The following HTRA1 variants were observed in gnomAD, a reference collection of about 807,000 sequenced individuals.
HTRA1 encodes HtrA serine peptidase 1.
In HTRA1, 26 loss-of-function variants were observed where a neutral mutation model predicts 49.7. That is an observed-to-expected ratio of 0.52 (90% CI 0.38 to 0.73). HTRA1 has a LOEUF of 0.73. Among genes scored for constraint, HTRA1 ranks in the 30% least tolerant of loss-of-function variants. The probability of loss-of-function intolerance (pLI) is 0.00; values close to 1 mark genes in which losing one functional copy is unlikely to be tolerated. For missense variants in HTRA1, 561 were observed against 667.2 expected (o/e 0.84, Z 1.75); for synonymous variants, 291 against 286.9 (o/e 1.01, Z -0.14).
chr10:122,497,977 C>T (rs1336327216), intron 3 of HTRA1, among the ~76,000 whole-genome samples: 1 of 152,092 alleles, frequency 6.6e-6, no homozygotes, highest in East Asian at 1.9e-4. Context: ...AGCTGTCGGG[C>T]CCCCATGTGG....
chr10:122,472,310 T>C (rs1003375276), intron 1 of HTRA1, among the ~76,000 whole-genome samples: 2 of 150,994 alleles, frequency 1.3e-5, no homozygotes, highest in Admixed American at 1.3e-4. Context: ...ATATGAAAAA[T>C]TAAGAAAAGA....
chr10:122,477,014 C>A (rs2097488814), intron 1 of HTRA1, among the ~76,000 whole-genome samples: 1 of 140,176 alleles, frequency 7.1e-6, no homozygotes, highest in Non-Finnish European at 1.5e-5. Flanking sequence ...GTCACCCAGG[C>A]TGGAGTGCAC....
intron 1 of HTRA1, among the ~76,000 whole-genome samples, chr10:122,474,125 C>T (rs77348595): frequency 1.3e-3 from 192 of 152,242 alleles, no homozygotes; most frequent in African/African-American, 4.6e-3. Context: ...ATGGGGATTA[C>T]GCACTGAAAG....
rs2097495325 is a variant in HTRA1 at position 122,490,624 on chromosome 10, C to T, written c.777+998C>T. 6.6e-6 allele frequency among the ~76,000 whole-genome samples: 1 copy of T among 152,150 alleles called. No homozygotes were observed. Among genetic ancestry groups the T allele is most frequent in the Non-Finnish European group, 1.5e-5 (1 of 68,038 alleles). On this transcript the variant is annotated intron_variant, in intron 3 of 8. Transcript: ENST00000368984. The surrounding 1 kb of genome is among the most constrained non-coding windows in gnomAD (Gnocchi z 4.2). ...ATCCTGCCTCTGACCAAGGAAAAGA[C>T]CAGAGGCTGAGCCAGGTGGGGTCTC...
At chr10:122,493,084 A>G (rs2097496701) in intron 3 of HTRA1, among the ~76,000 whole-genome samples, 1 of 152,102 alleles carries the variant, frequency 6.6e-6, no homozygotes, top group South Asian at 2.1e-4. Flanking sequence ...TCTGCTTCTC[A>G]CTGCTGAGCA....
In HTRA1 at chr10:122,514,616, A is replaced by G. The variant is rs1286830752; in HGVS notation, c.*257A>G. The G allele has an allele frequency of 1.0e-5, 5 of 485,912 alleles. No homozygotes were observed. Among genetic ancestry groups the G allele is most frequent in the Non-Finnish European group, 1.5e-5 (4 of 264,608 alleles). 30.1% of individuals were successfully genotyped at this position (485,912 alleles called of 1,614,324 possible). A position where few individuals can be genotyped will look rare whatever the true frequency, so the allele number is the denominator to read the frequency against. ...GTGCTTTTTCTTGCCAGCTTGGGCCATTCTTGCTTAGACAGTCAGCATTTG... is the reference window on the plus strand; with the variant it reads ...GTGCTTTTTCTTGCCAGCTTGGGCCGTTCTTGCTTAGACAGTCAGCATTTG... On this transcript the variant is annotated 3_prime_UTR_variant, in exon 9 of 9. Transcript: ENST00000368984.
chr10:122,479,196 G>A lies in HTRA1; in HGVS notation c.473-9706G>A, dbSNP rs547561901. 8.7e-4 allele frequency among the ~76,000 whole-genome samples: 133 copies of A among 152,348 alleles called. 1 individual carries two copies. Among genetic ancestry groups the A allele is most frequent in the African/African-American group, 3.0e-3 (124 of 41,588 alleles). On this transcript the variant is annotated intron_variant, in intron 1 of 8. Coordinates refer to ENST00000368984, the MANE Select transcript of HTRA1 (RefSeq NM_002775.5). ...TCTGGCTGGAAGGGAAGGTTAGATT[G>A]TTAATCCTGCATCCTGGCCCTGATC... is the stretch of plus-strand genomic sequence containing the variant.
chr10:122,500,872 G>C (rs975662513), intron 3 of HTRA1, among the ~76,000 whole-genome samples: 1 of 152,106 alleles, frequency 6.6e-6, no homozygotes. Context: ...CCCTTCCCGT[G>C]GTGGGCCCCT....
Position 122,490,749 on chromosome 10 carries a change from G to T in HTRA1, c.777+1123G>T, listed in dbSNP as rs949212424. Among the ~76,000 whole-genome samples, 4 of 152,186 alleles carry T rather than the reference G, an allele frequency of 2.6e-5. No individual in the cohort carries two copies. Among genetic ancestry groups the T allele is most frequent in the Non-Finnish European group, 5.9e-5 (4 of 68,046 alleles). ...GGCTGTTTGTGCTGTTCAGTGGCACGCTGGTTACACCTCCTTCTGGAAACA... is the reference window on the plus strand; with the variant it reads ...GGCTGTTTGTGCTGTTCAGTGGCACTCTGGTTACACCTCCTTCTGGAAACA... On this transcript the variant is annotated intron_variant, in intron 3 of 8. Transcript: ENST00000368984. The surrounding 1 kb of genome is among the most constrained non-coding windows in gnomAD (Gnocchi z 4.2).
chr10:122,501,245 T>C (rs373273768), intron 3 of HTRA1, among the ~76,000 whole-genome samples: 4 of 152,040 alleles, frequency 2.6e-5, no homozygotes, highest in Admixed American at 6.5e-5. Context: ...GTGGGAGTGA[T>C]TTCCCTGCCT....
In HTRA1 at chr10:122,512,065, CGTGA is replaced by C; in HGVS notation, c.1274+3_1274+6del. The C allele has an allele frequency of 6.3e-7, 1 of 1,594,460 alleles. No individual in the cohort carries two copies. On this transcript the variant is annotated splice_donor_variant and splice_donor_region_variant and intron_variant, in intron 8 of 8. Transcript: ENST00000368984. LOFTEE classifies it high-confidence loss of function. ...GTAATTCCTGATACCCCAGCAGAAG[CGTGA>C]GTTGGAGTCGTTTTCTCTTTTCCCA...
intron 5 of HTRA1, among the ~76,000 whole-genome samples, chr10:122,508,436 C>T (rs563000565): frequency 1.6e-4 from 25 of 152,350 alleles, no homozygotes; most frequent in African/African-American, 5.3e-4. Flanking sequence ...CACCCAGTGC[C>T]GACCTGGAGT....
chr10:122,461,690 TGC>T lies in HTRA1; in HGVS notation c.39_40del (p.Leu14AlafsTer154). On this transcript the variant is annotated frameshift_variant, in exon 1 of 9. Coordinates refer to ENST00000368984, the MANE Select transcript of HTRA1 (RefSeq NM_002775.5). LOFTEE classifies it high-confidence loss of function. ...CGCGCCGCTCTTCTCCCGCTGCTGC[TGC>T]TGCTGCTGGCGGCGCCCGCCTCGGC... 7.6e-7 allele frequency: 1 copy of T among 1,308,068 alleles called. No individual in the cohort carries two copies. The highest frequency in any genetic ancestry group is 9.9e-7 in the Non-Finnish European group (1 of 1,013,284). The allele number at this position is 1,308,068 out of a possible 1,614,324, so 81.0% of individuals were successfully genotyped here. A position where few individuals can be genotyped will look rare whatever the true frequency, so the allele number is the denominator to read the frequency against.
chr10:122,512,184 C>T (rs1004512781), intron 8 of HTRA1, 119 bp downstream of exon 8: 14 of 807,998 alleles, frequency 1.7e-5, no homozygotes, highest in East Asian at 2.6e-5. Flanking sequence ...CCTTGACAGA[C>T]GTGGTCGGAC....
rs202171123 is a variant in HTRA1 at position 122,506,795 on chromosome 10, C to G, written c.882C>G (p.Thr294=). The change falls in exon 4 of 9, where the codon ACC becomes ACG. Residue 294 remains threonine, a synonymous_variant. Coordinates refer to ENST00000368984, the MANE Select transcript of HTRA1 (RefSeq NM_002775.5). The surrounding 1 kb of genome is among the most constrained non-coding windows in gnomAD (Gnocchi z 5.2). ...TTTCCCTTCAAAACACAGTCACCAC[C>G]GGGATCGTGAGCACCACCCAGCGAG... ...SPFSLQNTVT[T]GIVSTTQRGG... is the part of the protein sequence containing the mutation. The G allele has an allele frequency of 1.2e-6, 2 of 1,613,842 alleles. No homozygotes were observed. The highest frequency in any genetic ancestry group is 1.7e-6 in the Non-Finnish European group (2 of 1,180,026).
At chr10:122,495,334 A>G (rs900403347) in intron 3 of HTRA1, among the ~76,000 whole-genome samples, 8 of 152,162 alleles carry the variant, frequency 5.3e-5, no homozygotes, top group African/African-American at 1.9e-4. Flanking sequence ...TTTGCTAATG[A>G]TGCCACAGAC....
At position 122,462,064 on chromosome 10, in the gene HTRA1, C is replaced by G. The variant is rs1182461122; in HGVS notation, c.412C>G (p.Arg138Gly). The change falls in exon 1 of 9, where the codon CGC (arginine) becomes GGC (glycine). Residue 138 changes from arginine to glycine, a missense_variant. By Grantham distance (125) the Arg-to-Gly change is moderately radical. Transcript: ENST00000368984. ...GTGCCAGCTGCGCGCCGCCAGCCGCCGCTCCGAGAGGCTGCACCGGCCGCC... is the reference window on the plus strand; with the variant it reads ...GTGCCAGCTGCGCGCCGCCAGCCGCGGCTCCGAGAGGCTGCACCGGCCGCC... Reference protein sequence around the residue: ...NLCQLRAASRRSERLHRPPVI... With the variant: ...NLCQLRAASRGSERLHRPPVI... The G allele has an allele frequency of 4.6e-6, 7 of 1,535,848 alleles. No individual in the cohort carries two copies. Among genetic ancestry groups the G allele is most frequent in the South Asian group, 2.4e-5 (2 of 84,080 alleles).
chr10:122,480,874 A>G (rs1320061073), intron 1 of HTRA1, among the ~76,000 whole-genome samples: 1 of 152,214 alleles, frequency 6.6e-6, no homozygotes, highest in East Asian at 1.9e-4. Flanking sequence ...TAGATTGAAA[A>G]AAGAAAATGC....
rs777512948 is a variant in HTRA1 at position 122,506,737 on chromosome 10, C to T, written c.824C>T (p.Pro275Leu). 6.2e-6 allele frequency: 10 copies of T among 1,613,638 alleles called. No homozygotes were observed. The highest frequency in any genetic ancestry group is 1.6e-4 in the Middle Eastern group (1 of 6,062). Residue 275 changes from proline (P) to leucine (L), a missense_variant, in exon 4 of 9, where the codon CCG becomes CTG. Pro to Leu is a moderately conservative substitution (Grantham distance 98, BLOSUM62 -3). Transcript: ENST00000368984. This position sits in a 1 kb window ranked among gnomAD's most constrained non-coding sequence, Gnocchi z 5.2. Reference sequence around the variant, plus strand: ...CTTGGCCGCTCCTCAGAGCTGCGGCCGGGAGAGTTCGTGGTCGCCATCGGA... The same window carrying T: ...CTTGGCCGCTCCTCAGAGCTGCGGCTGGGAGAGTTCGTGGTCGCCATCGGA... Reference protein sequence around the residue: ...LLLGRSSELRPGEFVVAIGSP... With the variant: ...LLLGRSSELRLGEFVVAIGSP...
Sources: gnomAD v4.1 joint callset for allele counts (sites outside exome capture counted in the v4.1 genomes callset) on GRCh38, gnomAD v4.1.1 for gene constraint, Gnocchi (gnomAD v3.1) non-coding constraint, MANE v1.5 for transcripts, NCBI Gene and HGNC (gene_info 2026-07-23, HGNC 2026-07-21) for gene names.